AGO2: variants seen among roughly 807,000 people sequenced by gnomAD.
AGO2 encodes the protein argonaute RISC catalytic component 2, also known as protein argonaute-2.
In AGO2, 5 loss-of-function variants were observed where a neutral mutation model predicts 102.3. That is an observed-to-expected ratio of 0.05 (90% CI 0.03 to 0.10). The LOEUF is 0.10. Among genes scored for constraint, AGO2 ranks in the 10% least tolerant of loss-of-function variants. AGO2 has a pLI of 1.00. For missense variants in AGO2, 541 were observed against 1,183.7 expected (o/e 0.46, Z 7.97); for synonymous variants, 449 against 473.1 (o/e 0.95, Z 0.66).
intron 3 of AGO2, among the ~76,000 whole-genome samples, chr8:140,564,426 C>T (rs2073248605): frequency 6.6e-6 from 1 of 152,192 alleles, no homozygotes; most frequent in African/African-American, 2.4e-5. Flanking sequence ...ATAGCTGGCC[C>T]TTGCACAACA....
intron 2 of AGO2, among the ~76,000 whole-genome samples, chr8:140,581,106 A>C (rs2073550567): frequency 6.6e-6 from 1 of 152,262 alleles, no homozygotes. Context: ...ACCAGTCAAC[A>C]GCCCAGAAAA....
chr8:140,640,143 G>T (rs1458807374), upstream of AGO2, among the ~76,000 whole-genome samples: 1 of 152,072 alleles, frequency 6.6e-6, no homozygotes. Flanking sequence ...CCAGCAGCTG[G>T]GATTACAGGC....
intron 1 of AGO2, among the ~76,000 whole-genome samples, chr8:140,590,405 G>A (rs1394853603): frequency 6.6e-6 from 1 of 151,998 alleles, no homozygotes; most frequent in African/African-American, 2.4e-5. Flanking sequence ...CACGGACGCC[G>A]AGGAAGCGGA....
At chr8:140,603,780 G>A (rs1351484626) in intron 1 of AGO2, among the ~76,000 whole-genome samples, 1 of 152,206 alleles carries the variant, frequency 6.6e-6, no homozygotes, top group African/African-American at 2.4e-5. Flanking sequence ...ACTGGGCTGG[G>A]GGCCTCCTTG....
chr8:140,607,693 G>A (rs530172023), intron 1 of AGO2, among the ~76,000 whole-genome samples: 2 of 151,942 alleles, frequency 1.3e-5, no homozygotes, highest in Non-Finnish European at 2.9e-5. Flanking sequence ...ACAAAAGTCC[G>A]CATGTATAAC....
At chr8:140,588,939 C>A (rs1285898795) in intron 1 of AGO2, among the ~76,000 whole-genome samples, 1 of 152,234 alleles carries the variant, frequency 6.6e-6, no homozygotes, top group Non-Finnish European at 1.5e-5. Flanking sequence ...ATTTTTAGAG[C>A]CGCATCTCAC....
intron 1 of AGO2, among the ~76,000 whole-genome samples, chr8:140,634,878 A>G (rs1229226281): frequency 1.3e-5 from 2 of 152,130 alleles, no homozygotes; most frequent in African/African-American, 4.8e-5. Flanking sequence ...CCTTGGGAAA[A>G]GGGGCCGAAG....
intron 1 of AGO2, among the ~76,000 whole-genome samples, chr8:140,603,371 G>C (rs1383966345): frequency 6.6e-6 from 1 of 152,196 alleles, no homozygotes; most frequent in African/African-American, 2.4e-5. Flanking sequence ...TTTTCTTCTT[G>C]TTAAAATTCA....
At chr8:140,626,231 G>C (rs1299420703) in intron 1 of AGO2, among the ~76,000 whole-genome samples, 1 of 152,198 alleles carries the variant, frequency 6.6e-6, no homozygotes, top group Non-Finnish European at 1.5e-5. Flanking sequence ...GGTGAGTTCT[G>C]AGCGACACAG....
intron 2 of AGO2, among the ~76,000 whole-genome samples, chr8:140,582,474 T>C (rs2073572413): frequency 6.6e-6 from 1 of 152,106 alleles, no homozygotes; most frequent in South Asian, 2.1e-4. Flanking sequence ...AATAAATAAA[T>C]AAATAAATGA....
Position 140,531,921 on chromosome 8 carries a change from A to G in AGO2, c.*123T>C. ...GGCATTCTGGAAAACGGAGAATCTA[A>G]TAAAATCAATGACGTCTCATGTTCG... On this transcript the variant is annotated 3_prime_UTR_variant, in exon 19 of 19. Coordinates refer to ENST00000220592, the MANE Select transcript of AGO2 (RefSeq NM_012154.5). 1.2e-6 allele frequency: 1 copy of G among 859,416 alleles called. No homozygotes were observed. Among genetic ancestry groups the G allele is most frequent in the Non-Finnish European group, 1.8e-6 (1 of 543,116 alleles). 53.2% of individuals were successfully genotyped at this position (859,416 alleles called of 1,614,324 possible).
In AGO2 at chr8:140,528,758, A is replaced by G. The variant is rs967522876; in HGVS notation, c.*3286T>C. The G allele has an allele frequency of 6.6e-6, 1 of 152,262 alleles. No individual in the cohort carries two copies. The highest frequency in any genetic ancestry group is 6.5e-5 in the Admixed American group (1 of 15,292). 9.4% of individuals were successfully genotyped at this position (152,262 alleles called of 1,614,324 possible). On this transcript the variant is annotated 3_prime_UTR_variant, in exon 19 of 19. Transcript: ENST00000220592. This position sits in a 1 kb window ranked among gnomAD's most constrained non-coding sequence, Gnocchi z 4.5. ...TAAAAGTACAGCTATGCCCAGTTTT[A>G]CAAAATTTATCCAAACCAGGAAAAT...
chr8:140,558,703 G>C (rs934635946), intron 6 of AGO2, 131 bp from the exon 7 acceptor site: 1 of 950,462 alleles, frequency 1.1e-6, no homozygotes, highest in Non-Finnish European at 1.6e-6. Context: ...GGCTCCCCTA[G>C]GGAGGGTGAC....
intron 10 of AGO2, chr8:140,555,651 C>T (rs529261662): frequency 6.4e-4 from 340 of 529,556 alleles, no homozygotes; most frequent in Non-Finnish European, 9.1e-4. Flanking sequence ...GCTCTCTAAA[C>T]TTTCATGGGA....
chr8:140,633,648 T>C (rs2074367950), intron 1 of AGO2, among the ~76,000 whole-genome samples: 1 of 152,220 alleles, frequency 6.6e-6, no homozygotes, highest in Non-Finnish European at 1.5e-5. Flanking sequence ...GGGCAGGTGC[T>C]GGTCCAGTCC....
intron 1 of AGO2, among the ~76,000 whole-genome samples, chr8:140,629,486 G>A (rs1015201497): frequency 1.3e-5 from 2 of 152,126 alleles, no homozygotes; most frequent in Non-Finnish European, 1.5e-5. Context: ...GAGGAGATGC[G>A]GACGGGGCTG....
intron 10 of AGO2, among the ~76,000 whole-genome samples, chr8:140,554,280 C>T (rs1168107611): frequency 6.6e-6 from 1 of 152,140 alleles, no homozygotes; most frequent in African/African-American, 2.4e-5. Context: ...CATCTGGGGC[C>T]TCGGGGGACA....
chr8:140,600,452 G>A (rs776845326), intron 1 of AGO2, among the ~76,000 whole-genome samples: 10 of 151,992 alleles, frequency 6.6e-5, no homozygotes, highest in African/African-American at 1.9e-4. Context: ...AAGCCGAGGC[G>A]GGCAGATCAC....
At chr8:140,618,322 GAA>G (rs1190190120) in intron 1 of AGO2, among the ~76,000 whole-genome samples, 8 of 131,346 alleles carry the variant, frequency 6.1e-5, no homozygotes, top group Admixed American at 7.8e-5. Context: ...TCCGTCTCAG[GAA>G]AAAAAAAAAA....
Sources: allele counts gnomAD v4.1 joint callset (sites outside exome capture counted in the v4.1 genomes callset), GRCh38; gene constraint gnomAD v4.1.1; non-coding constraint Gnocchi (gnomAD v3.1); transcripts MANE v1.5; gene names NCBI Gene and HGNC (gene_info 2026-07-23, HGNC 2026-07-21).